LAMC2: variants seen among roughly 807,000 people sequenced by gnomAD.
LAMC2 encodes laminin subunit gamma-2.
LAMC2 carries 97 observed loss-of-function variants against 140.2 expected under a neutral mutation model. The observed-to-expected ratio is 0.69, with a 90% CI of 0.59 to 0.82. The LOEUF (loss-of-function observed/expected upper bound fraction) is 0.82. Ranked by LOEUF, LAMC2 falls within the 40% of genes least tolerant of loss-of-function variation. LAMC2 has a pLI of 0.00. For missense variants in LAMC2, 1,402 were observed against 1,476.1 expected, an observed-to-expected ratio of 0.95 and a Z score of 0.82; for synonymous variants, 513 against 540.2, an observed-to-expected ratio of 0.95 and a Z score of 0.70.
chr1:183,217,594 A>G (rs775101818), intron 3 of LAMC2, among the ~76,000 whole-genome samples: 23 of 152,260 alleles, frequency 1.5e-4, no homozygotes, highest in Non-Finnish European at 3.1e-4. Context: ...TATGACATAG[A>G]TGAACCTCAA....
chr1:183,246,327 G>T (rs1660242750), downstream of LAMC2, among the ~76,000 whole-genome samples: 1 of 152,198 alleles, frequency 6.6e-6, no homozygotes, highest in South Asian at 2.1e-4. Context: ...TCCCTTAGAA[G>T]AGAGAAGGGG....
Position 183,239,520 on chromosome 1 carries a change from A to G in LAMC2, c.3026A>G (p.Asn1009Ser). The G allele has an allele frequency of 6.2e-7, 1 of 1,613,496 alleles. No homozygotes were observed. Among genetic ancestry groups the G allele is most frequent in the Admixed American group, 1.7e-5 (1 of 59,860 alleles). ...SAAADAQRAKNGAGEALEISS... is the reference protein window; with the variant it reads ...SAAADAQRAKSGAGEALEISS... Reference sequence around the variant, plus strand: ...GCTGCTGATGCACAGAGGGCAAAGAATGGGGCCGGGGAGGCCCTGGAAATC... The same window carrying G: ...GCTGCTGATGCACAGAGGGCAAAGAGTGGGGCCGGGGAGGCCCTGGAAATC... Residue 1009 changes from asparagine to serine, a missense_variant, in exon 20 of 23, where the codon AAT becomes AGT. This residue lies in a region of LAMC2 where 670 missense variants were observed against 667.2 expected (regional missense o/e 1.00). Transcript: ENST00000264144.
intron 1 of LAMC2, among the ~76,000 whole-genome samples, chr1:183,197,532 C>T (rs1658556297): frequency 6.6e-6 from 1 of 151,948 alleles, no homozygotes; most frequent in Non-Finnish European, 1.5e-5. Context: ...AAAAATTAGC[C>T]GGGCGTGCTG....
At chr1:183,194,514 GT>G (rs765168801) in intron 1 of LAMC2, among the ~76,000 whole-genome samples, 13 of 150,824 alleles carry the variant, frequency 8.6e-5, no homozygotes, top group South Asian at 2.1e-4. Flanking sequence ...AAGATTTATT[GT>G]TTTTTTTTAA....
At chr1:183,252,574 G>A in the LAMC2 span, 4 of 1,097,306 alleles carry the variant, frequency 3.6e-6, no homozygotes, top group African/African-American at 4.6e-5. Flanking sequence ...GAAACAGAGA[G>A]GCAGGAGAGA....
At chr1:183,237,563 T>C in intron 18 of LAMC2, 59 bp downstream of exon 18, 1 of 1,413,938 alleles carries the variant, frequency 7.1e-7, no homozygotes, top group South Asian at 1.2e-5. Flanking sequence ...ACCATATGAA[T>C]AAATATGGCA....
In LAMC2 at chr1:183,205,202, G is replaced by A. The variant is rs75580900; in HGVS notation, c.80-2679G>A. ...TTCCAAAAGGCATCCAGGGCAGGGAGGGCATTGGCTCATTGGGTTAGCCAG... is the reference window on the plus strand; with the variant it reads ...TTCCAAAAGGCATCCAGGGCAGGGAAGGCATTGGCTCATTGGGTTAGCCAG... On this transcript the variant is annotated intron_variant, in intron 1 of 22. Transcript: ENST00000264144. Among the ~76,000 whole-genome samples, 163 of 152,330 alleles carry A rather than the reference G, an allele frequency of 1.1e-3. No individual in the cohort carries two copies. The East Asian group carries it at 0.025, about 24-fold the overall frequency.
intron 1 of LAMC2, among the ~76,000 whole-genome samples, chr1:183,198,482 C>T (rs748027531): frequency 1.2e-4 from 18 of 152,098 alleles, no homozygotes; most frequent in Non-Finnish European, 2.1e-4. Flanking sequence ...GACTAATTCA[C>T]GGGAGATTAC....
intron 1 of LAMC2, among the ~76,000 whole-genome samples, chr1:183,189,527 C>T (rs1658259352): frequency 6.6e-6 from 1 of 152,114 alleles, no homozygotes; most frequent in Admixed American, 6.5e-5. Context: ...GCGAGACCCT[C>T]TCTTTTTATT....
At chr1:183,241,067 G>A (rs1021617939) in intron 22 of LAMC2, 1 of 155,074 alleles carries the variant, frequency 6.4e-6, no homozygotes, top group Non-Finnish European at 1.4e-5. Flanking sequence ...GGCCAACATG[G>A]TGAAACCCTG....
At chr1:183,251,227 G>C in the LAMC2 span, 1 of 152,204 alleles carries the variant, frequency 6.6e-6, no homozygotes, top group Non-Finnish European at 1.5e-5. Flanking sequence ...GATTTTCTCA[G>C]ACAGTTCCTG....
At chr1:183,250,912 C>T in the LAMC2 span, 1 of 152,542 alleles carries the variant, frequency 6.6e-6, no homozygotes, top group Non-Finnish European at 1.5e-5. Context: ...CCACCTGGCC[C>T]TTTCTGGCCG....
chr1:183,207,744 C>T, intron 1 of LAMC2, 137 bp from the exon 2 acceptor site: 1 of 767,322 alleles, frequency 1.3e-6, no homozygotes, highest in Non-Finnish European at 2.2e-6. Flanking sequence ...CCCATATCTT[C>T]CTCCCGCAAG....
intron 6 of LAMC2, 110 bp from the exon 7 acceptor site, chr1:183,223,025 C>T (rs1659518994): frequency 7.5e-6 from 7 of 933,938 alleles, no homozygotes; most frequent in Admixed American, 2.0e-5. Context: ...AGTTTTGGGG[C>T]AGCATGACAC....
rs1400524404 is a variant in LAMC2 at position 183,232,863 on chromosome 1, T to C, written c.2220+6T>C. The stretch of plus-strand genomic sequence containing the variant: ...AAGCTTCCTTGGGAAACACTGTAGG[T>C]TTTTGCTGGGCTAGAGTATTGAGAA... On this transcript the variant is annotated splice_donor_region_variant and intron_variant, in intron 14 of 22. Coordinates refer to ENST00000264144, the MANE Select transcript of LAMC2 (RefSeq NM_005562.3). The C allele has an allele frequency of 5.0e-6, 8 of 1,613,536 alleles. No individual in the cohort carries two copies. Among genetic ancestry groups the C allele is most frequent in the Non-Finnish European group, 6.8e-6 (8 of 1,179,710 alleles).
intron 19 of LAMC2, 31 bp from the exon 20 acceptor site, chr1:183,239,333 T>A: frequency 1.2e-6 from 2 of 1,607,070 alleles, no homozygotes; most frequent in South Asian, 2.2e-5. Flanking sequence ...GCTTTCATCT[T>A]CACGGCAGTT....
intron 1 of LAMC2, among the ~76,000 whole-genome samples, chr1:183,206,184 A>G (rs545468245): frequency 6.6e-6 from 1 of 152,346 alleles, no homozygotes; most frequent in South Asian, 2.1e-4. Flanking sequence ...AATAAAACCC[A>G]TGTTAAAATG....
chr1:183,252,321 G>C, the LAMC2 span: 1 of 329,636 alleles, frequency 3.0e-6, no homozygotes, highest in South Asian at 3.4e-5. Context: ...GAGCGTGCTG[G>C]GAGGATGGGC....
chr1:183,235,495 T>G, intron 15 of LAMC2, 80 bp from the exon 16 acceptor site: 2 of 1,512,960 alleles, frequency 1.3e-6, no homozygotes, highest in Non-Finnish European at 1.8e-6. Flanking sequence ...TCCCGTACTC[T>G]TTGCCCTTCG....
Sources: allele counts gnomAD v4.1 joint callset (sites outside exome capture counted in the v4.1 genomes callset), GRCh38; gene constraint gnomAD v4.1.1; regional missense constraint gnomAD v4.1.1; transcripts MANE v1.5; gene names NCBI Gene and HGNC (gene_info 2026-07-23, HGNC 2026-07-21).